Variants in TAF5 observed in about 807,000 individuals in gnomAD.
TAF5 encodes the protein TATA-box binding protein associated factor 5, also known as transcription initiation factor TFIID subunit 5.
A neutral mutation model predicts 80.9 loss-of-function variants in TAF5; 20 were observed. The observed-to-expected ratio is 0.25, with a 90% CI of 0.17 to 0.36. The LOEUF (loss-of-function observed/expected upper bound fraction) is 0.36, where lower values mean the gene tolerates loss of function less well. TAF5 is among the 10% of genes least tolerant of loss of function. The pLI, the probability that TAF5 is intolerant of heterozygous loss-of-function variation, is 1.00. For synonymous variants in TAF5, 388 were observed against 406.4 expected, an observed-to-expected ratio of 0.95 and a Z score of 0.55; for missense variants, 863 against 1,029.4, an observed-to-expected ratio of 0.84 and a Z score of 2.21.
At position 103,378,351 on chromosome 10, in the gene TAF5, T is replaced by A. The variant is rs368510312; in HGVS notation, c.914T>A (p.Phe305Tyr). ...ATGTTGGATTTTCGAACAAGTAAATTTGTTCTGCGTATTTCCCGTGACTCG... is the reference window on the plus strand; with the variant it reads ...ATGTTGGATTTTCGAACAAGTAAATATGTTCTGCGTATTTCCCGTGACTCG... ...ETMLDFRTSK[F>Y]VLRISRDSYQ... The change falls in exon 3 of 11, where the codon TTT (phenylalanine) becomes TAT (tyrosine). Residue 305 changes from phenylalanine (F) to tyrosine (Y), a missense_variant. Physicochemically the swap from Phe to Tyr is conservative, Grantham distance 22. This residue lies in a region of TAF5 where 128 missense variants were observed against 232.2 expected (regional missense o/e 0.55). Coordinates refer to ENST00000369839, the MANE Select transcript of TAF5 (RefSeq NM_006951.5). The surrounding 1 kb of genome is among the most constrained non-coding windows in gnomAD (Gnocchi z 4.1). The A allele has an allele frequency of 6.2e-7, 1 of 1,614,180 alleles. No individual in the cohort carries two copies. Among genetic ancestry groups the A allele is most frequent in the Admixed American group, 1.7e-5 (1 of 60,010 alleles).
intron 8 of TAF5, 116 bp from the exon 9 acceptor site, chr10:103,387,059 G>A: frequency 2.2e-6 from 2 of 924,292 alleles, no homozygotes; most frequent in South Asian, 2.0e-5. Flanking sequence ...TAAGTGGGGG[G>A]CCCACTCAGA....
chr10:103,369,144 A>C (rs1347462007), intron 1 of TAF5, among the ~76,000 whole-genome samples: 2 of 150,936 alleles, frequency 1.3e-5, no homozygotes, highest in Non-Finnish European at 3.0e-5. Context: ...ACGGCCGGCT[A>C]ATTTTTGTAT....
chr10:103,383,212 A>C (rs2093387284), intron 6 of TAF5, 26 bp from the exon 7 acceptor site: 4 of 1,529,622 alleles, frequency 2.6e-6, no homozygotes, highest in Non-Finnish European at 3.5e-6. Context: ...TACTTATAAA[A>C]TATCAATATT....
intron 8 of TAF5, among the ~76,000 whole-genome samples, chr10:103,386,103 C>T (rs903600266): frequency 1.3e-5 from 2 of 151,924 alleles, no homozygotes; most frequent in Non-Finnish European, 2.9e-5. Flanking sequence ...CTTTATGTTT[C>T]TCTGTCATCT....
At chr10:103,376,854 G>T (rs2093371263) in intron 2 of TAF5, among the ~76,000 whole-genome samples, 1 of 152,156 alleles carries the variant, frequency 6.6e-6, no homozygotes, top group Non-Finnish European at 1.5e-5. Context: ...GACCATCCTG[G>T]CCAACATGGT....
chr10:103,385,295 G>A (rs552277441), intron 7 of TAF5, 31 bp from the exon 8 acceptor site: 15 of 1,581,826 alleles, frequency 9.5e-6, no homozygotes, highest in Non-Finnish European at 1.1e-5. Context: ...GTTACTCTGG[G>A]AGTCAAATAT....
chr10:103,382,537 C>T (rs557086191), intron 6 of TAF5, among the ~76,000 whole-genome samples: 21 of 151,934 alleles, frequency 1.4e-4, no homozygotes, highest in African/African-American at 4.6e-4. Context: ...CTGGTTCAAG[C>T]GATTTTCCTG....
rs1170668156 is a variant in TAF5 at position 103,379,891 on chromosome 10, C to T, written c.1285C>T (p.Leu429Phe). 1.2e-6 allele frequency: 2 copies of T among 1,610,784 alleles called. No homozygotes were observed. Among genetic ancestry groups the T allele is most frequent in the African/African-American group, 1.3e-5 (1 of 74,724 alleles). The change falls in exon 5 of 11, where the codon CTT becomes TTT. Residue 429 changes from leucine to phenylalanine, a missense_variant. Transcript: ENST00000369839. ...PNAPPQNRIP[L>F]PELKDSDKLD... ...TCTCTTTTTCTTTCACAGAATCCCTCTTCCTGAGTTGAAAGATTCAGATAA... is the reference window on the plus strand; with the variant it reads ...TCTCTTTTTCTTTCACAGAATCCCTTTTCCTGAGTTGAAAGATTCAGATAA...
chr10:103,370,652 T>C (rs994683983), intron 1 of TAF5, among the ~76,000 whole-genome samples: 1 of 152,030 alleles, frequency 6.6e-6, no homozygotes, highest in Non-Finnish European at 1.5e-5. Context: ...AATATCTATA[T>C]GTAAAATGTT....
At chr10:103,373,210 AAG>A in intron 1 of TAF5, 146 bp from the exon 2 acceptor site, 1 of 659,354 alleles carries the variant, frequency 1.5e-6, no homozygotes, top group Non-Finnish European at 2.5e-6. Flanking sequence ...AAAAAAAAAA[AAG>A]ATTATGTGAT....
intron 10 of TAF5, 150 bp downstream of exon 10, chr10:103,387,848 A>ATTTATATGCCC: frequency 8.9e-7 from 1 of 1,128,672 alleles, no homozygotes. Context: ...TCTCAGGTTA[A>ATTTATATGCCC]AGTACTGCTT....
chr10:103,378,276 G>A lies in TAF5; in HGVS notation c.839G>A (p.Arg280Gln), dbSNP rs368279896. The change falls in exon 3 of 11, where the codon CGA becomes CAA. Residue 280 changes from arginine to glutamine, a missense_variant. Arg to Gln is a conservative substitution (Grantham distance 43, BLOSUM62 1). Around this residue, in one of 3 missense-constraint regions of TAF5, gnomAD observed 128 missense variants for 232.2 expected, o/e 0.55. Coordinates refer to ENST00000369839, the MANE Select transcript of TAF5 (RefSeq NM_006951.5). This position sits in a 1 kb window ranked among gnomAD's most constrained non-coding sequence, Gnocchi z 4.1. ...GAATGTTATTACCAGGATGACCTAC[G>A]AGTATTATCTAGTCTTACCAAAAAG... ...DQECYYQDDL[R>Q]VLSSLTKKEH... 4.3e-6 allele frequency: 7 copies of A among 1,614,088 alleles called. No individual in the cohort carries two copies. Among genetic ancestry groups the A allele is most frequent in the South Asian group, 2.2e-5 (2 of 91,060 alleles).
At chr10:103,381,247 C>T (rs966168417) in intron 5 of TAF5, among the ~76,000 whole-genome samples, 1 of 151,260 alleles carries the variant, frequency 6.6e-6, no homozygotes, top group African/African-American at 2.4e-5. Context: ...CCGCGCCCGG[C>T]CAAACTTAGT....
chr10:103,385,925 CAAAAAA>C (rs761128565), intron 8 of TAF5, among the ~76,000 whole-genome samples: 7 of 41,200 alleles, frequency 1.7e-4, no homozygotes, highest in African/African-American at 4.9e-4. Context: ...GACTTCATCT[CAAAAAA>C]AAAAAAAAAA....
chr10:103,380,131 CTTTTT>C, intron 5 of TAF5, 112 bp downstream of exon 5: 6 of 990,304 alleles, frequency 6.1e-6, no homozygotes, highest in Non-Finnish European at 7.0e-6. Flanking sequence ...ATTTAAACTC[CTTTTT>C]TTTTTTTTTC....
At chr10:103,379,162 T>C (rs951398307) in intron 3 of TAF5, among the ~76,000 whole-genome samples, 1 of 152,164 alleles carries the variant, frequency 6.6e-6, no homozygotes, top group Non-Finnish European at 1.5e-5. Context: ...GGTCCCTGGC[T>C]CCTTCTGGTT....
intron 2 of TAF5, 54 bp downstream of exon 2, chr10:103,373,649 G>A: frequency 7.7e-7 from 1 of 1,300,316 alleles, no homozygotes; most frequent in South Asian, 1.4e-5. Context: ...GTGTGTGTGT[G>A]CGTGCATATG....
In TAF5 at chr10:103,378,877, CT is replaced by C. The variant is rs1301460152; in HGVS notation, c.1113+328del. Among the ~76,000 whole-genome samples, 1 of 152,130 alleles carries C rather than the reference CT, an allele frequency of 6.6e-6. No individual in the cohort carries two copies. The highest frequency in any genetic ancestry group is 1.5e-5 in the Non-Finnish European group (1 of 68,022). On this transcript the variant is annotated intron_variant, in intron 3 of 10. Transcript: ENST00000369839. The surrounding 1 kb of genome is among the most constrained non-coding windows in gnomAD (Gnocchi z 4.1). ...GTTTCACCATGTTGGCCAGGCTGGT[CT>C]CGAACTCCTGACCTCAGATGATCCA...
At chr10:103,376,507 A>G (rs2093370346) in intron 2 of TAF5, among the ~76,000 whole-genome samples, 1 of 152,042 alleles carries the variant, frequency 6.6e-6, no homozygotes, top group South Asian at 2.1e-4. Flanking sequence ...CTATGCCATT[A>G]TAGTAAATTC....
Sources: gnomAD v4.1 joint callset for allele counts (sites outside exome capture counted in the v4.1 genomes callset) on GRCh38, gnomAD v4.1.1 for gene constraint, gnomAD v4.1.1 regional missense constraint, Gnocchi (gnomAD v3.1) non-coding constraint, MANE v1.5 for transcripts, NCBI Gene and HGNC (gene_info 2026-07-23, HGNC 2026-07-21) for gene names.